The following GGT1 variants were observed in gnomAD, a reference collection of about 807,000 sequenced individuals.
The protein encoded by GGT1 is gamma-glutamyltransferase 1.
GGT1 carries 21 observed loss-of-function variants against 56.0 expected under a neutral mutation model. That is an observed-to-expected ratio of 0.38 (90% CI 0.27 to 0.54). The LOEUF is 0.54. Ranked by LOEUF, GGT1 falls within the 20% of genes least tolerant of loss-of-function variation. The pLI is 0.82. For synonymous variants in GGT1, 238 were observed against 342.6 expected (o/e 0.69, Z 3.37); for missense variants, 466 against 787.0 (o/e 0.59, Z 4.88).
Position 24,605,938 on chromosome 22 carries a change from AAT to A in GGT1, c.-428-2010_-428-2009del, listed in dbSNP as rs1491245838. 4.5e-5 allele frequency among the ~76,000 whole-genome samples: 4 copies of A among 89,834 alleles called. 1 individual carries two copies. In the South Asian group the frequency reaches 1.1e-3, roughly 25 times the overall value. 58.9% of individuals were successfully genotyped at this position (89,834 alleles called of 152,430 possible). Reference sequence around the variant, plus strand: ...ATGATGTGTATTATATATTATATATAATATATAATATTATATATAATATATTA... The same window carrying A: ...ATGATGTGTATTATATATTATATATAATATAATATTATATATAATATATTA... On this transcript the variant is annotated intron_variant, in intron 1 of 15. Transcript: ENST00000400382.
At position 24,605,039 on chromosome 22, in the gene GGT1, AT is replaced by A. The variant is rs764240420; in HGVS notation, c.-429+1513del. On this transcript the variant is annotated intron_variant, in intron 1 of 15. Coordinates refer to ENST00000400382, the MANE Select transcript of GGT1 (RefSeq NM_001288833.2). ...CCTGTATGTCATATATATATATAAAATATGTAATATATTATATATTATATGT... is the reference window on the plus strand; with the variant it reads ...CCTGTATGTCATATATATATATAAAAATGTAATATATTATATATTATATGT... Among the ~76,000 whole-genome samples, 100 of 65,964 alleles carry A rather than the reference AT, an allele frequency of 1.5e-3. 18 individuals carry two copies. Among genetic ancestry groups the A allele is most frequent in the Non-Finnish European group, 2.0e-3 (78 of 39,378 alleles). The allele number at this position is 65,964 out of a possible 152,430, so 43.3% of individuals were successfully genotyped here.
At chr22:24,618,989 G>A (rs1470079856) in intron 7 of GGT1, among the ~76,000 whole-genome samples, 1 of 152,184 alleles carries the variant, frequency 6.6e-6, no homozygotes, top group African/African-American at 2.4e-5. Context: ...CTTATAGGCT[G>A]AGTGCACCTG....
At chr22:24,589,908 G>A, upstream of GGT1, 1 of 1,612,788 alleles carries the variant, frequency 6.2e-7, no homozygotes, top group Non-Finnish European at 8.5e-7. Flanking sequence ...CCACATCTCT[G>A]TAGAGGATAT....
chr22:24,589,812 C>T (rs376369202), upstream of GGT1: 24 of 1,610,068 alleles, frequency 1.5e-5, no homozygotes, highest in Non-Finnish European at 2.0e-5. Flanking sequence ...CCGTGCCTGC[C>T]AGCCTCACCT....
In GGT1 at chr22:24,605,803, G is replaced by A. The variant is rs1601645644; in HGVS notation, c.-428-2151G>A. ...TATTATATATTATATAATATATGAT[G>A]TGTATTATATATTATATATTATATG... On this transcript the variant is annotated intron_variant, in intron 1 of 15. Coordinates refer to ENST00000400382, the MANE Select transcript of GGT1 (RefSeq NM_001288833.2). Among the ~76,000 whole-genome samples the A allele has an allele frequency of 4.8e-5, 3 of 62,550 alleles. No homozygotes were observed. In the Admixed American group the frequency reaches 8.7e-4, roughly 18 times the overall value. 41.0% of individuals were successfully genotyped at this position (62,550 alleles called of 152,430 possible).
intron 7 of GGT1, among the ~76,000 whole-genome samples, chr22:24,619,193 T>C (rs1601727829): frequency 6.7e-6 from 1 of 150,336 alleles, no homozygotes; most frequent in African/African-American, 2.5e-5. Flanking sequence ...ATGTTAGGAG[T>C]TCAAGACCAG....
chr22:24,599,898 T>C (rs1354635714), upstream of GGT1, among the ~76,000 whole-genome samples: 1 of 152,208 alleles, frequency 6.6e-6, no homozygotes, highest in South Asian at 2.1e-4. Context: ...CACAGGGGGC[T>C]GTGGGTGAAC....
the GGT1 span, among the ~76,000 whole-genome samples, chr22:24,587,811 C>T: frequency 6.6e-6 from 1 of 152,192 alleles, no homozygotes; most frequent in Non-Finnish European, 1.5e-5. Flanking sequence ...GAACCTGTTT[C>T]CTTCCCTCTA....
chr22:24,618,252 T>C (rs997564773), intron 7 of GGT1, among the ~76,000 whole-genome samples: 5 of 152,172 alleles, frequency 3.3e-5, no homozygotes, highest in African/African-American at 1.2e-4. Context: ...TACAAAATAC[T>C]GTTGCTAAGC....
At chr22:24,623,680 G>A (rs1413652265) in intron 10 of GGT1, 100 bp from the exon 11 acceptor site, 14 of 958,140 alleles carry the variant, frequency 1.5e-5, no homozygotes, top group Admixed American at 1.1e-4. Flanking sequence ...GTTATTAAAC[G>A]CTCCTTGAGG....
At position 24,610,356 on chromosome 22, in the gene GGT1, A is replaced by C; in HGVS notation, c.-183A>C. The C allele has an allele frequency of 4.5e-6, 1 of 220,448 alleles. No homozygotes were observed. Among genetic ancestry groups the C allele is most frequent in the South Asian group, 5.8e-5 (1 of 17,126 alleles). The allele number at this position is 220,448 out of a possible 1,614,324, so 13.7% of individuals were successfully genotyped here. On this transcript the variant is annotated 5_prime_UTR_variant, in exon 4 of 16. Coordinates refer to ENST00000400382, the MANE Select transcript of GGT1 (RefSeq NM_001288833.2). ...CTTCAGGTAACCTCCCTTGACCTTC[A>C]GGAGAACGAGAAGGCTGCCTGATCA...
At chr22:24,606,067 T>A (rs1227819150) in intron 1 of GGT1, among the ~76,000 whole-genome samples, 1 of 76,254 alleles carries the variant, frequency 1.3e-5, no homozygotes, top group African/African-American at 5.5e-5. Flanking sequence ...TTTATATAAT[T>A]TATATAATAT....
chr22:24,623,018 C>T (rs895525043), intron 9 of GGT1, 89 bp from the exon 10 acceptor site: 1 of 1,555,520 alleles, frequency 6.4e-7, no homozygotes, highest in African/African-American at 1.4e-5. Flanking sequence ...GCAGCCATGC[C>T]TGCCCCCAAC....
chr22:24,589,774 C>A, the GGT1 span: 55,582 of 1,544,396 alleles, frequency 0.036, 1,146 homozygotes, highest in Non-Finnish European at 0.041. Context: ...GTTGGCCCCC[C>A]TGTCCACCAC....
chr22:24,626,868 C>CT (rs2047816567), intron 11 of GGT1, among the ~76,000 whole-genome samples: 1 of 148,652 alleles, frequency 6.7e-6, no homozygotes. Context: ...CTCCCCACCC[C>CT]ACTCCATTCA....
At chr22:24,612,516 T>G (rs2046783046) in intron 5 of GGT1, among the ~76,000 whole-genome samples, 1 of 133,706 alleles carries the variant, frequency 7.5e-6, no homozygotes, top group Admixed American at 8.0e-5. Context: ...TATTCTTTTT[T>G]GTTGTTGTTT....
At chr22:24,598,699 A>G (rs1362706308), upstream of GGT1, among the ~76,000 whole-genome samples, 1 of 152,116 alleles carries the variant, frequency 6.6e-6, no homozygotes, top group Non-Finnish European at 1.5e-5. Flanking sequence ...GACCACAGGC[A>G]TGTGCCACTA....
At chr22:24,598,933 AAATT>A (rs2045738763), upstream of GGT1, among the ~76,000 whole-genome samples, 1 of 152,104 alleles carries the variant, frequency 6.6e-6, no homozygotes, top group Non-Finnish European at 1.5e-5. Flanking sequence ...TTTTTTAAAA[AAATT>A]AATTAAGAAA....
chr22:24,611,996 A>G lies in GGT1; in HGVS notation c.164+751A>G, dbSNP rs1311048006. Among the ~76,000 whole-genome samples the G allele has an allele frequency of 2.6e-5, 4 of 152,014 alleles. No homozygotes were observed. In the East Asian group the frequency reaches 7.7e-4, roughly 29 times the overall value. The stretch of plus-strand genomic sequence containing the variant: ...TAATTTTTGTATTTTTAGTAGAGAC[A>G]GGGTTTTGCTATGTTGGCCAGGCTG... On this transcript the variant is annotated intron_variant, in intron 5 of 15. Transcript: ENST00000400382.
Sources: gnomAD v4.1 joint callset for allele counts (sites outside exome capture counted in the v4.1 genomes callset) on GRCh38, gnomAD v4.1.1 for gene constraint, MANE v1.5 for transcripts, NCBI Gene and HGNC (gene_info 2026-07-23, HGNC 2026-07-21) for gene names.